The following SLC14A2 variants were observed in gnomAD, a reference collection of about 807,000 sequenced individuals.
SLC14A2 encodes solute carrier family 14 member 2, also known as urea transporter 2.
A neutral mutation model predicts 104.6 loss-of-function variants in SLC14A2; 91 were observed. That is an observed-to-expected ratio of 0.87 (90% confidence interval 0.73 to 1.04). The LOEUF is 1.04. Among genes scored for constraint, SLC14A2 ranks in the 50% least tolerant of loss-of-function variants. The probability of loss-of-function intolerance (pLI) is 0.00; values close to 1 mark genes in which losing one functional copy is unlikely to be tolerated. For synonymous variants in SLC14A2, 476 were observed against 466.4 expected (o/e 1.02, Z -0.27); for missense variants, 1,189 against 1,156.0 (o/e 1.03, Z -0.41).
chr18:45,574,028 G>A (rs757229860), intron 2 of SLC14A2, among the ~76,000 whole-genome samples: 6 of 152,326 alleles, frequency 3.9e-5, no homozygotes, highest in South Asian at 4.1e-4. Context: ...ACTAGTCATC[G>A]TATGAATTAA....
chr18:45,570,934 T>C (rs995932141), intron 2 of SLC14A2, among the ~76,000 whole-genome samples: 8 of 152,250 alleles, frequency 5.3e-5, no homozygotes, highest in African/African-American at 1.9e-4. Context: ...AGTAGTGCCA[T>C]GCATGTAGTA....
the SLC14A2 span, among the ~76,000 whole-genome samples, chr18:45,192,795 T>C: frequency 6.6e-6 from 1 of 152,162 alleles, no homozygotes; most frequent in Non-Finnish European, 1.5e-5. Context: ...TAGCTGGGAC[T>C]ATAGGCATGT....
chr18:45,653,689 G>A (rs565866033), intron 10 of SLC14A2, among the ~76,000 whole-genome samples: 3 of 152,190 alleles, frequency 2.0e-5, no homozygotes, highest in African/African-American at 7.2e-5. Context: ...CTCTGAGAGG[G>A]TCCTGCAGTG....
intron 1 of SLC14A2, among the ~76,000 whole-genome samples, chr18:45,234,577 C>T (rs532609752): frequency 3.9e-5 from 6 of 152,160 alleles, no homozygotes; most frequent in African/African-American, 7.2e-5. Context: ...TAAGTGGAGA[C>T]GCATAGACTA....
At chr18:45,367,818 A>G (rs1032653379) in intron 1 of SLC14A2, among the ~76,000 whole-genome samples, 5 of 152,306 alleles carry the variant, frequency 3.3e-5, no homozygotes, top group South Asian at 2.1e-4. Context: ...CTCTGCTATA[A>G]GAGGCTATCT....
intron 2 of SLC14A2, among the ~76,000 whole-genome samples, chr18:45,527,628 C>A (rs553093822): frequency 1.3e-4 from 20 of 152,236 alleles, no homozygotes; most frequent in Admixed American, 6.5e-4. Flanking sequence ...AGTCCAAAGT[C>A]TCAGGTTAAG....
At chr18:45,649,006 C>G (rs747712264) in intron 10 of SLC14A2, among the ~76,000 whole-genome samples, 1 of 152,030 alleles carries the variant, frequency 6.6e-6, no homozygotes, top group Non-Finnish European at 1.5e-5. Context: ...CCTGTCTCTA[C>G]TAAAAATACA....
chr18:45,228,463 C>T (rs939576777), intron 1 of SLC14A2, among the ~76,000 whole-genome samples: 1 of 152,152 alleles, frequency 6.6e-6, no homozygotes, highest in Non-Finnish European at 1.5e-5. Context: ...CTCTGGGGTT[C>T]TTCCAGACTG....
At chr18:45,341,504 C>T (rs1012281096) in intron 1 of SLC14A2, among the ~76,000 whole-genome samples, 3 of 151,986 alleles carry the variant, frequency 2.0e-5, no homozygotes, top group African/African-American at 7.3e-5. Context: ...CTATTTGGTG[C>T]CACACATGTT....
intron 1 of SLC14A2, among the ~76,000 whole-genome samples, chr18:45,439,875 C>T (rs1184386030): frequency 6.6e-6 from 1 of 152,196 alleles, no homozygotes; most frequent in African/African-American, 2.4e-5. Context: ...AGGCTCTACC[C>T]TGCACAGAGC....
In SLC14A2 at chr18:45,606,498, T is replaced by C. The variant is rs143272252; in HGVS notation, c.-34-18133T>C. Among the ~76,000 whole-genome samples, 325 of 152,158 alleles carry C rather than the reference T, an allele frequency of 2.1e-3. 2 individuals are homozygous for C. The highest frequency in any genetic ancestry group is 7.4e-3 in the African/African-American group (307 of 41,500). On this transcript the variant is annotated intron_variant, in intron 2 of 20. Transcript: ENST00000586448. Reference sequence around the variant, plus strand: ...CCTCCAAGGCCACCACTGAAACTATTGCATTCAAGAACCCACCACTGTATT... The same window carrying C: ...CCTCCAAGGCCACCACTGAAACTATCGCATTCAAGAACCCACCACTGTATT...
intron 2 of SLC14A2, among the ~76,000 whole-genome samples, chr18:45,567,099 T>TGTGTGTGTGTGTGTG: frequency 6.9e-6 from 1 of 144,814 alleles, no homozygotes; most frequent in East Asian, 2.0e-4. Flanking sequence ...TGTGTGTGTG[T>TGTGTGTGTGTGTGTG]AACTCACAAG....
chr18:45,289,638 T>A (rs2084849752), intron 1 of SLC14A2, among the ~76,000 whole-genome samples: 1 of 152,058 alleles, frequency 6.6e-6, no homozygotes, highest in Non-Finnish European at 1.5e-5. Context: ...AATGAAAAAC[T>A]CCTTTGGCAT....
intron 1 of SLC14A2, among the ~76,000 whole-genome samples, chr18:45,251,955 G>A (rs2084427904): frequency 6.6e-6 from 1 of 151,886 alleles, no homozygotes; most frequent in Non-Finnish European, 1.5e-5. Context: ...GAGAATCTGA[G>A]ACGCATTAGC....
At chr18:45,538,449 C>T (rs989994695) in intron 2 of SLC14A2, among the ~76,000 whole-genome samples, 11 of 152,170 alleles carry the variant, frequency 7.2e-5, no homozygotes, top group East Asian at 1.9e-4. Context: ...TTTCAAGGCT[C>T]GACTGGGACT....
the SLC14A2 span, among the ~76,000 whole-genome samples, chr18:45,184,029 C>T: frequency 7.3e-6 from 1 of 137,322 alleles, no homozygotes; most frequent in African/African-American, 2.7e-5. Flanking sequence ...GCTGAGATTA[C>T]AGGCATGAGC....
intron 1 of SLC14A2, among the ~76,000 whole-genome samples, chr18:45,461,311 A>G (rs1311020880): frequency 2.6e-5 from 4 of 152,208 alleles, no homozygotes; most frequent in Non-Finnish European, 5.9e-5. Context: ...CCTTTGCATT[A>G]GGGAACACTG....
Position 45,331,527 on chromosome 18 carries a change from AAAAAT to A in SLC14A2, c.-125+118341_-125+118345del, listed in dbSNP as rs201535453. Among the ~76,000 whole-genome samples, 859 of 152,070 alleles carry A rather than the reference AAAAAT, an allele frequency of 5.6e-3. 18 individuals are homozygous for A. The East Asian group carries it at 0.062, about 11-fold the overall frequency. The stretch of plus-strand genomic sequence containing the variant: ...TAACACGTGAAACCCTGTCTGTACT[AAAAAT>A]AAAAAAAAATTAGCCGGGCGTGGTG... On this transcript the variant is annotated intron_variant, in intron 1 of 20. Coordinates refer to the SLC14A2 transcript ENST00000586448.
chr18:45,200,804 A>G, the SLC14A2 span, among the ~76,000 whole-genome samples: 10 of 152,162 alleles, frequency 6.6e-5, no homozygotes, highest in Non-Finnish European at 1.5e-5. Flanking sequence ...AAATATTGCA[A>G]AGTTAGACCT....
Sources: allele counts gnomAD v4.1 joint callset (sites outside exome capture counted in the v4.1 genomes callset), GRCh38; gene constraint gnomAD v4.1.1; transcripts MANE v1.5; gene names NCBI Gene and HGNC (gene_info 2026-07-23, HGNC 2026-07-21).